The following ZMIZ1 variants were observed in gnomAD, a reference collection of about 807,000 sequenced individuals.
ZMIZ1 encodes zinc finger MIZ-type containing 1, also known as zinc finger MIZ domain-containing protein 1.
In ZMIZ1, 17 loss-of-function variants were observed where a neutral mutation model predicts 113.9. That is an observed-to-expected ratio of 0.15 (90% CI 0.10 to 0.22). ZMIZ1 has a LOEUF of 0.22. Ranked by LOEUF, ZMIZ1 falls within the 10% of genes least tolerant of loss-of-function variation. The probability of loss-of-function intolerance (pLI) is 1.00; values close to 1 mark genes in which losing one functional copy is unlikely to be tolerated. For synonymous variants in ZMIZ1, 607 were observed against 603.1 expected, an observed-to-expected ratio of 1.01 and a Z score of -0.09; for missense variants, 1,059 against 1,477.8, an observed-to-expected ratio of 0.72 and a Z score of 4.65.
intron 2 of ZMIZ1, among the ~76,000 whole-genome samples, chr10:79,130,344 G>A (rs1174609006): frequency 1.3e-5 from 2 of 152,204 alleles, no homozygotes; most frequent in Admixed American, 6.5e-5. Context: ...CCAACCCCAA[G>A]GTCATGTGAA....
chr10:79,259,902 G>T (rs752061185), intron 7 of ZMIZ1, among the ~76,000 whole-genome samples: 1 of 152,172 alleles, frequency 6.6e-6, no homozygotes, highest in East Asian at 1.9e-4. Flanking sequence ...GTAAGCCACC[G>T]CGCCCAGCCT....
chr10:79,220,150 G>C (rs1363610791), intron 7 of ZMIZ1, among the ~76,000 whole-genome samples: 2 of 152,198 alleles, frequency 1.3e-5, no homozygotes, highest in African/African-American at 2.4e-5. Flanking sequence ...TCTGTGAAGA[G>C]AGCTGATTTG....
At chr10:79,262,756 T>C (rs1006536679) in intron 7 of ZMIZ1, among the ~76,000 whole-genome samples, 2 of 152,228 alleles carry the variant, frequency 1.3e-5, no homozygotes, top group Non-Finnish European at 2.9e-5. Flanking sequence ...TTCTCCAGAA[T>C]GCACAGGGAC....
intron 1 of ZMIZ1, among the ~76,000 whole-genome samples, chr10:79,106,912 T>G (rs1843580552): frequency 6.6e-6 from 1 of 152,256 alleles, no homozygotes; most frequent in Non-Finnish European, 1.5e-5. Flanking sequence ...CCTTCATCTA[T>G]TGTTCTTGAG....
intron 7 of ZMIZ1, among the ~76,000 whole-genome samples, chr10:79,271,037 A>G (rs967127508): frequency 6.6e-6 from 1 of 152,202 alleles, no homozygotes; most frequent in African/African-American, 2.4e-5. Context: ...TGCTTCCTGC[A>G]TCTCAGAGCA....
intron 8 of ZMIZ1, among the ~76,000 whole-genome samples, chr10:79,278,991 C>A (rs1367685143): frequency 2.0e-5 from 3 of 151,910 alleles, no homozygotes; most frequent in Admixed American, 2.0e-4. Flanking sequence ...CAGAGGGGCT[C>A]CTCACTTCCC....
intron 15 of ZMIZ1, 51 bp downstream of exon 15, chr10:79,298,631 G>T: frequency 6.5e-7 from 1 of 1,527,074 alleles, no homozygotes. Context: ...CCCCCCAGTG[G>T]GCCGGGAGCA....
chr10:79,315,023 ACT>A lies in ZMIZ1; in HGVS notation c.*2277_*2278del, dbSNP rs1321585153. On this transcript the variant is annotated 3_prime_UTR_variant, in exon 25 of 25. Coordinates refer to ENST00000334512, the MANE Select transcript of ZMIZ1 (RefSeq NM_020338.4). The stretch of plus-strand genomic sequence containing the variant: ...CTGGTTCTTATCAGGGTGTGTCCAC[ACT>A]CTGCTCACAGGTGGATCCACGGCTT... 2.6e-5 allele frequency: 4 copies of A among 152,644 alleles called. No individual in the cohort carries two copies. Among genetic ancestry groups the A allele is most frequent in the Non-Finnish European group, 5.9e-5 (4 of 68,028 alleles). The allele number at this position is 152,644 out of a possible 1,614,324, so 9.5% of individuals were successfully genotyped here. A position where few individuals can be genotyped will look rare whatever the true frequency, so the allele number is the denominator to read the frequency against.
chr10:79,224,650 C>T (rs1193215205), intron 7 of ZMIZ1, among the ~76,000 whole-genome samples: 1 of 152,210 alleles, frequency 6.6e-6, no homozygotes, highest in Non-Finnish European at 1.5e-5. Context: ...CCCCCTATGC[C>T]GCCCCACGGC....
chr10:79,141,865 C>T (rs536133935), intron 3 of ZMIZ1, among the ~76,000 whole-genome samples: 1 of 152,320 alleles, frequency 6.6e-6, no homozygotes, highest in East Asian at 1.9e-4. Flanking sequence ...ATGGAGGACC[C>T]ACTCCTGTAG....
chr10:79,228,351 G>C (rs562833557), intron 7 of ZMIZ1, among the ~76,000 whole-genome samples: 143 of 152,354 alleles, frequency 9.4e-4, no homozygotes, highest in Non-Finnish European at 1.2e-3. Context: ...ATGGATGTGT[G>C]GGCCCTTGAG....
chr10:79,189,146 C>T (rs1219099543), intron 4 of ZMIZ1, among the ~76,000 whole-genome samples: 1 of 152,252 alleles, frequency 6.6e-6, no homozygotes, highest in Non-Finnish European at 1.5e-5. Context: ...ATCCTTCCCT[C>T]TGGAACATTT....
At chr10:79,209,909 G>T (rs1240225693) in intron 6 of ZMIZ1, among the ~76,000 whole-genome samples, 1 of 152,232 alleles carries the variant, frequency 6.6e-6, no homozygotes, top group Non-Finnish European at 1.5e-5. Context: ...GCCAGACAGG[G>T]ATGCAGCCAG....
At chr10:79,305,061 T>C in intron 19 of ZMIZ1, 103 bp from the exon 20 acceptor site, 1 of 1,335,124 alleles carries the variant, frequency 7.5e-7, no homozygotes, top group Non-Finnish European at 1.1e-6. Context: ...TCCCACAGCC[T>C]ATCTTTCTCT....
In ZMIZ1 at chr10:79,072,842, T is replaced by C. The variant is rs559973379; in HGVS notation, c.-337+3572T>C. On this transcript the variant is annotated intron_variant, in intron 1 of 24. Transcript: ENST00000334512. ...GATTACCCAGGACACTGCTGCAGCCTTGCCTGGCGACAGCTCTGACCTCTT... is the reference window on the plus strand; with the variant it reads ...GATTACCCAGGACACTGCTGCAGCCCTGCCTGGCGACAGCTCTGACCTCTT... Among the ~76,000 whole-genome samples, 7 of 152,362 alleles carry C rather than the reference T, an allele frequency of 4.6e-5. No homozygotes were observed. The East Asian group carries it at 1.4e-3, about 29-fold the overall frequency.
At chr10:79,105,479 A>G (rs1391347054) in intron 1 of ZMIZ1, among the ~76,000 whole-genome samples, 1 of 152,218 alleles carries the variant, frequency 6.6e-6, no homozygotes, top group African/African-American at 2.4e-5. Context: ...TCAAAGGTAA[A>G]CAAAAGTGAC....
At chr10:79,164,302 G>A (rs1846229197) in intron 4 of ZMIZ1, among the ~76,000 whole-genome samples, 1 of 152,242 alleles carries the variant, frequency 6.6e-6, no homozygotes, top group Non-Finnish European at 1.5e-5. Flanking sequence ...TAAAATGGGT[G>A]AAGGGCAGCT....
intron 1 of ZMIZ1, among the ~76,000 whole-genome samples, chr10:79,115,002 T>C (rs1843960527): frequency 6.6e-6 from 1 of 152,198 alleles, no homozygotes; most frequent in African/African-American, 2.4e-5. Context: ...TCCAGACCCA[T>C]AGACTTCCAC....
chr10:79,085,312 G>A (rs1441410097), intron 1 of ZMIZ1, among the ~76,000 whole-genome samples: 1 of 152,176 alleles, frequency 6.6e-6, no homozygotes, highest in African/African-American at 2.4e-5. Context: ...ACCAGGGCTC[G>A]GATGTAGCCT....
Sources: allele counts gnomAD v4.1 joint callset (sites outside exome capture counted in the v4.1 genomes callset), GRCh38; gene constraint gnomAD v4.1.1; transcripts MANE v1.5; gene names NCBI Gene and HGNC (gene_info 2026-07-23, HGNC 2026-07-21).